Variants in SYVN1 observed in about 807,000 individuals in gnomAD.
SYVN1 encodes E3 ubiquitin-protein ligase synoviolin.
A neutral mutation model predicts 62.6 loss-of-function variants in SYVN1; 17 were observed. The observed-to-expected ratio is 0.27, with a 90% CI of 0.19 to 0.41. SYVN1 has a LOEUF of 0.41. SYVN1 is among the 10% of genes least tolerant of loss of function. The pLI is 1.00. For synonymous variants in SYVN1, 316 were observed against 304.0 expected, an observed-to-expected ratio of 1.04 and a Z score of -0.41; for missense variants, 634 against 818.0, an observed-to-expected ratio of 0.78 and a Z score of 2.74.
chr11:65,129,613 G>T, intron 14 of SYVN1, 116 bp downstream of exon 14: 1 of 989,502 alleles, frequency 1.0e-6, no homozygotes, highest in Non-Finnish European at 1.5e-6. Flanking sequence ...TGGTGGGCCT[G>T]TAGATAGGCA....
In SYVN1 at chr11:65,132,199, T is replaced by C. The variant is rs141427678; in HGVS notation, c.531+49A>G. ...GGTCTGTTGGGTTATTCAAGGCACA[T>C]GTGGGGTCACCTCGGGCTTGTCCTC... On this transcript the variant is annotated intron_variant, in intron 6 of 15. Coordinates refer to ENST00000377190, the MANE Select transcript of SYVN1 (RefSeq NM_172230.3). 634 of 1,435,346 alleles carry C rather than the reference T, an allele frequency of 4.4e-4. 1 individual carries two copies. The African/African-American group carries it at 7.8e-3, about 18-fold the overall frequency. 88.9% of individuals were successfully genotyped at this position (1,435,346 alleles called of 1,614,324 possible). A position where few individuals can be genotyped will look rare whatever the true frequency, so the allele number is the denominator to read the frequency against.
In SYVN1 at chr11:65,131,357, C is replaced by G. The variant is rs576319965; in HGVS notation, c.675G>C (p.Leu225=). The G allele has an allele frequency of 9.9e-6, 16 of 1,614,060 alleles. No individual in the cohort carries two copies. The highest frequency in any genetic ancestry group is 4.0e-5 in the African/African-American group (3 of 74,984). ...TGATGGTCATGAAGGCCATGTACAG[C>G]AGAACCTTGATGAAGCCTGAGGGGA... ...TELFTGFIKV[L]LYMAFMTIMI... The change falls in exon 8 of 16, where the codon CTG becomes CTC. Residue 225 remains leucine (L), a synonymous_variant. Transcript: ENST00000377190.
Position 65,132,903 on chromosome 11 carries a change from A to G in SYVN1, c.378+19T>C, listed in dbSNP as rs546016792. ...CTCCCTGGCTTCCACCTGCTCCAGA[A>G]CTCCCTGCCTTGACTCACAAAGTCC... On this transcript the variant is annotated intron_variant, in intron 4 of 15. Transcript: ENST00000377190. 1.2e-6 allele frequency: 2 copies of G among 1,613,724 alleles called. No individual in the cohort carries two copies. Among genetic ancestry groups the G allele is most frequent in the African/African-American group, 2.7e-5 (2 of 74,974 alleles).
In SYVN1 at chr11:65,128,463, C is replaced by T. The variant is rs1948130850; in HGVS notation, c.1773G>A (p.Glu591=). The T allele has an allele frequency of 1.2e-6, 2 of 1,614,030 alleles. No individual in the cohort carries two copies. The highest frequency in any genetic ancestry group is 1.7e-6 in the Non-Finnish European group (2 of 1,180,012). The change falls in exon 16 of 16, where the codon GAG becomes GAA. Residue 591 remains glutamate (E), a synonymous_variant. Transcript: ENST00000377190. ...PPAPESVGTE[E]MPEDGEPDAA... ...CATCGGGCTCTCCATCCTCAGGCAT[C>T]TCCTCTGTGCCCACTGACTCAGGAG...
chr11:65,130,985 G>A lies in SYVN1; in HGVS notation c.876C>T (p.Ile292=). Residue 292 remains isoleucine, a synonymous_variant, in exon 10 of 16, where the codon ATC becomes ATT. Transcript: ENST00000377190. ...EELQAMDNVC[I]ICREEMVTGA... The stretch of plus-strand genomic sequence containing the variant: ...CAGTCACCATCTCTTCTCGGCAGAT[G>A]ATGCAGACATTGTCCATTGCCTGGA... The A allele has an allele frequency of 6.2e-7, 1 of 1,614,146 alleles. No homozygotes were observed. Among genetic ancestry groups the A allele is most frequent in the South Asian group, 1.1e-5 (1 of 91,080 alleles).
At chr11:65,130,464 T>C in intron 11 of SYVN1, 85 bp from the exon 12 acceptor site, 1 of 1,438,806 alleles carries the variant, frequency 7.0e-7, no homozygotes, top group Non-Finnish European at 9.2e-7. Flanking sequence ...TTGAGAGCTC[T>C]GTCCTATTCC....
chr11:65,128,161 G>A lies in SYVN1; in HGVS notation c.*221C>T. On this transcript the variant is annotated 3_prime_UTR_variant, in exon 16 of 16. Transcript: ENST00000377190. ...GAACACAGGGCTGAAGAGTTGGAGA[G>A]GAAGGCTGGAACTGACCCGAGATCC... The A allele has an allele frequency of 1.7e-6, 1 of 596,372 alleles. No individual in the cohort carries two copies. The highest frequency in any genetic ancestry group is 2.8e-5 in the East Asian group (1 of 35,862). 36.9% of individuals were successfully genotyped at this position (596,372 alleles called of 1,614,324 possible). A position where few individuals can be genotyped will look rare whatever the true frequency, so the allele number is the denominator to read the frequency against.
Position 65,132,791 on chromosome 11 carries a change from G to C in SYVN1, c.379-11C>G. The C allele has an allele frequency of 6.2e-7, 1 of 1,614,138 alleles. No individual in the cohort carries two copies. Among genetic ancestry groups the C allele is most frequent in the Non-Finnish European group, 8.5e-7 (1 of 1,180,010 alleles). ...GGGGCTGCGTTCCATCTGAGGCAGA[G>C]CACAGAAGAGGCCTGTCAGGAGGCC... On this transcript the variant is annotated splice_polypyrimidine_tract_variant and intron_variant, in intron 4 of 15. Coordinates refer to ENST00000377190, the MANE Select transcript of SYVN1 (RefSeq NM_172230.3).
chr11:65,134,500 CTGCCCCTCCGGTTAACAACACT>C (rs921671761), exon 1 of SYVN1: 1 of 152,790 alleles, frequency 6.5e-6, no homozygotes, highest in African/African-American at 2.4e-5. Context: ...GCGACTGCGG[CTGCCCCTCCGGTTAACAACACT>C]CCCCACCCCC....
intron 8 of SYVN1, 36 bp from the exon 9 acceptor site, chr11:65,131,233 G>A (rs758606756): frequency 5.4e-5 from 87 of 1,613,816 alleles, no homozygotes; most frequent in Admixed American, 1.0e-4. Context: ...GAGAAGGGAC[G>A]GGATCAGGTC....
intron 2 of SYVN1, 36 bp downstream of exon 2, chr11:65,133,434 C>T: frequency 6.2e-7 from 1 of 1,608,250 alleles, no homozygotes; most frequent in Non-Finnish European, 8.5e-7. Flanking sequence ...TCCTTCCCTC[C>T]CAGGGAGTTC....
At position 65,133,459 on chromosome 11, in the gene SYVN1, C is replaced by T; in HGVS notation, c.132+11G>A. The T allele has an allele frequency of 6.2e-7, 1 of 1,613,462 alleles. No homozygotes were observed. The highest frequency in any genetic ancestry group is 1.3e-5 in the African/African-American group (1 of 75,046). ...CCAGGGAGTTCCTCCCTCCCTGAGC[C>T]CTGAACTCACTGCCATGCTGGGGCT... On this transcript the variant is annotated intron_variant, in intron 2 of 15. Coordinates refer to ENST00000377190, the MANE Select transcript of SYVN1 (RefSeq NM_172230.3).
rs757551063 is a variant in SYVN1, at chr11:65,129,918, G to GGA, written c.1409-5_1409-4dup. The GGA allele has an allele frequency of 1.9e-6, 3 of 1,612,632 alleles. No homozygotes were observed. The highest frequency in any genetic ancestry group is 3.3e-5 in the Admixed American group (2 of 59,958). On this transcript the variant is annotated splice_polypyrimidine_tract_variant and splice_region_variant and intron_variant, in intron 13 of 15. Coordinates refer to ENST00000377190, the MANE Select transcript of SYVN1 (RefSeq NM_172230.3). ...GGGCACAGGCATTGGGGGGAAGGCT[G>GGA]GAGAGAGAGAGGCTCAGTCTGGGCT...
In SYVN1 at chr11:65,130,157, C is replaced by A. The variant is rs763353793; in HGVS notation, c.1253G>T (p.Ser418Ile). Residue 418 changes from serine to isoleucine, a missense_variant, in exon 13 of 16, where the codon AGT becomes ATT. Transcript: ENST00000377190. ...STSAAALSRP[S>I]GAATTTAAGT... Reference sequence around the variant, plus strand: ...AGCAGCTGTGGTTGTAGCTGCTCCACTGGGCCGAGAAAGGGCTGCTGAAGA... The same window carrying A: ...AGCAGCTGTGGTTGTAGCTGCTCCAATGGGCCGAGAAAGGGCTGCTGAAGA... 5.0e-6 allele frequency: 8 copies of A among 1,606,556 alleles called. No homozygotes were observed. The Middle Eastern group carries it at 1.3e-3, about 267-fold the overall frequency.
intron 11 of SYVN1, 119 bp downstream of exon 11, chr11:65,130,541 C>T: frequency 7.0e-7 from 1 of 1,426,146 alleles, no homozygotes; most frequent in Non-Finnish European, 9.3e-7. Flanking sequence ...TTTAATCCCT[C>T]CCTGGCCCAG....
In SYVN1 at chr11:65,129,905, TGGG is replaced by T. The variant is rs1389448787; in HGVS notation, c.1416_1418del (p.Pro473del). 1.2e-6 allele frequency: 2 copies of T among 1,613,582 alleles called. No homozygotes were observed. Among genetic ancestry groups the T allele is most frequent in the Admixed American group, 1.7e-5 (1 of 60,002 alleles). On this transcript the variant is annotated inframe_deletion, in exon 14 of 16. Transcript: ENST00000377190. ...CAAAGCCCGCAGGGGGCACAGGCATTGGGGGGAAGGCTGGAGAGAGAGAGGCTC... is the reference window on the plus strand; with the variant it reads ...CAAAGCCCGCAGGGGGCACAGGCATTGGGAAGGCTGGAGAGAGAGAGGCTC...
chr11:65,132,589 A>G (rs1948195210), intron 5 of SYVN1, 143 bp downstream of exon 5: 4 of 1,061,946 alleles, frequency 3.8e-6, no homozygotes, highest in African/African-American at 1.6e-5. Flanking sequence ...GAGAAGCCCT[A>G]GAGTGGAACA....
In SYVN1 at chr11:65,133,269, G is replaced by A. The variant is rs373375405; in HGVS notation, c.133-17C>T. On this transcript the variant is annotated splice_polypyrimidine_tract_variant and intron_variant, in intron 2 of 15. Transcript: ENST00000377190. ...GTACAGGACCTAGGAGTGGGGAGAG[G>A]CTGTGGTTTGAGGTCACTTTCTGCT... 2.2e-5 allele frequency: 35 copies of A among 1,613,450 alleles called. No homozygotes were observed. Among genetic ancestry groups the A allele is most frequent in the African/African-American group, 5.3e-5 (4 of 74,914 alleles).
In SYVN1 at chr11:65,129,996, G is replaced by C. The variant is rs1486567251; in HGVS notation, c.1408+6C>G. On this transcript the variant is annotated splice_donor_region_variant and intron_variant, in intron 13 of 15. Coordinates refer to ENST00000377190, the MANE Select transcript of SYVN1 (RefSeq NM_172230.3). ...CAAGAAGAACCCAGAGAGTGGCCCA[G>C]CTTACCAAAGGGTGGAGGCAGGGGC... The C allele has an allele frequency of 6.3e-7, 1 of 1,594,380 alleles. No individual in the cohort carries two copies. The highest frequency in any genetic ancestry group is 8.6e-7 in the Non-Finnish European group (1 of 1,167,472).
Sources: allele counts gnomAD v4.1 joint callset, GRCh38; gene constraint gnomAD v4.1.1; transcripts MANE v1.5; gene names NCBI Gene and HGNC (gene_info 2026-07-23, HGNC 2026-07-21).